Variants in GABRB3 observed in about 807,000 individuals in gnomAD.
GABRB3 encodes gamma-aminobutyric acid type A receptor subunit beta3, also known as gamma-aminobutyric acid receptor subunit beta-3.
A neutral mutation model predicts 52.1 loss-of-function variants in GABRB3; 14 were observed. The ratio of observed to expected loss-of-function variants is 0.27; its 90% confidence interval spans 0.18 to 0.42. The LOEUF is 0.42. GABRB3 is among the 10% of genes least tolerant of loss of function. The pLI is 1.00. For synonymous variants in GABRB3, 260 were observed against 232.3 expected (o/e 1.12, Z -1.08); for missense variants, 307 against 609.1 (o/e 0.50, Z 5.22).
intron 3 of GABRB3, among the ~76,000 whole-genome samples, chr15:26,637,665 C>A (rs891734924): frequency 1.3e-5 from 2 of 152,204 alleles, no homozygotes; most frequent in Non-Finnish European, 2.9e-5. Context: ...GTGAAAATTT[C>A]TCTGCAGCTT....
intron 3 of GABRB3, among the ~76,000 whole-genome samples, chr15:26,734,502 G>T (rs1890016095): frequency 6.6e-6 from 1 of 152,110 alleles, no homozygotes; most frequent in Admixed American, 6.6e-5. Flanking sequence ...CTATCTGGCT[G>T]GGTGAGGTGG....
chr15:26,712,935 G>C (rs1202831831), intron 3 of GABRB3, among the ~76,000 whole-genome samples: 3 of 152,250 alleles, frequency 2.0e-5, no homozygotes, highest in African/African-American at 7.2e-5. Flanking sequence ...CTGGGCTGCA[G>C]GCTTCGGAAA....
intron 4 of GABRB3, among the ~76,000 whole-genome samples, chr15:26,593,514 T>C (rs3909668): frequency 0.027 from 4,168 of 152,262 alleles, 205 homozygotes; most frequent in African/African-American, 0.094. Context: ...ACTGTCTCTA[T>C]GAATTGACCT....
chr15:26,694,416 A>G (rs1888674446), intron 3 of GABRB3, among the ~76,000 whole-genome samples: 1 of 152,200 alleles, frequency 6.6e-6, no homozygotes, highest in Admixed American at 6.5e-5. Flanking sequence ...AATAACAAGG[A>G]ATCACCACTG....
At chr15:26,576,437 A>T (rs913271287) in intron 6 of GABRB3, among the ~76,000 whole-genome samples, 2 of 152,206 alleles carry the variant, frequency 1.3e-5, no homozygotes, top group Non-Finnish European at 2.9e-5. Context: ...TAAGAATTAC[A>T]TATCAAAACA....
chr15:26,766,072 C>CAT (rs1158936467), intron 3 of GABRB3, among the ~76,000 whole-genome samples: 1 of 152,192 alleles, frequency 6.6e-6, no homozygotes, highest in Non-Finnish European at 1.5e-5. Flanking sequence ...TCAAATGTGA[C>CAT]ATAATACCTG....
At chr15:26,558,799 T>C (rs1227274474) in intron 8 of GABRB3, among the ~76,000 whole-genome samples, 1 of 149,598 alleles carries the variant, frequency 6.7e-6, no homozygotes, top group East Asian at 2.0e-4. Flanking sequence ...GATCACGCCA[T>C]CACACTCCAG....
chr15:26,714,094 A>G (rs1889391584), intron 3 of GABRB3, among the ~76,000 whole-genome samples: 1 of 152,234 alleles, frequency 6.6e-6, no homozygotes, highest in African/African-American at 2.4e-5. Flanking sequence ...AACACACAGA[A>G]AACAGCCGAG....
intron 3 of GABRB3, 102 bp downstream of exon 3, chr15:26,772,300 C>T (rs916172825): frequency 1.9e-6 from 2 of 1,043,432 alleles, no homozygotes; most frequent in East Asian, 2.9e-5. Flanking sequence ...CGGGGAAACT[C>T]GGCCCCGGCC....
intron 3 of GABRB3, among the ~76,000 whole-genome samples, chr15:26,701,080 G>A (rs945427067): frequency 5.3e-5 from 8 of 151,946 alleles, no homozygotes; most frequent in African/African-American, 1.9e-4. Context: ...AAAAAACTCT[G>A]CAAACGAGGA....
chr15:26,559,187 C>T (rs1889884654), intron 8 of GABRB3, among the ~76,000 whole-genome samples: 1 of 152,204 alleles, frequency 6.6e-6, no homozygotes. Flanking sequence ...TTGTTGAGCA[C>T]CATCCCTTTG....
At chr15:26,567,761 C>T (rs371950187) in intron 6 of GABRB3, 28 bp from the exon 7 acceptor site, 340 of 1,611,034 alleles carry the variant, frequency 2.1e-4, no homozygotes, top group Non-Finnish European at 2.8e-4. Context: ...GGATATTACA[C>T]TGGAGAAACA....
At chr15:26,754,025 C>T (rs1890589314) in intron 3 of GABRB3, among the ~76,000 whole-genome samples, 1 of 152,058 alleles carries the variant, frequency 6.6e-6, no homozygotes, top group Admixed American at 6.5e-5. Flanking sequence ...TCATCAGAGA[C>T]CATTTTCTCC....
chr15:26,600,822 A>T (rs2140499909), intron 4 of GABRB3, among the ~76,000 whole-genome samples: 1 of 152,366 alleles, frequency 6.6e-6, no homozygotes, highest in African/African-American at 2.4e-5. Context: ...AACAGTATCA[A>T]ATTCAGAATA....
chr15:26,710,800 A>G (rs1489683067), intron 3 of GABRB3, among the ~76,000 whole-genome samples: 1 of 152,038 alleles, frequency 6.6e-6, no homozygotes, highest in Non-Finnish European at 1.5e-5. Flanking sequence ...TTGAGCTATA[A>G]ACGTTTTTTC....
At chr15:26,568,012 T>A (rs544854217) in intron 6 of GABRB3, among the ~76,000 whole-genome samples, 6 of 152,244 alleles carry the variant, frequency 3.9e-5, no homozygotes, top group Non-Finnish European at 5.9e-5. Flanking sequence ...TAGCTTAGAA[T>A]CCAGAATAAT....
intron 3 of GABRB3, among the ~76,000 whole-genome samples, chr15:26,734,099 G>T (rs185340792): frequency 7.5e-6 from 1 of 132,722 alleles, no homozygotes; most frequent in Non-Finnish European, 1.5e-5. Flanking sequence ...GCATGATCTC[G>T]CCTCAACACA....
At chr15:26,675,855 C>T (rs1011989658) in intron 3 of GABRB3, among the ~76,000 whole-genome samples, 8 of 151,990 alleles carry the variant, frequency 5.3e-5, no homozygotes, top group Admixed American at 4.6e-4. Context: ...GAACAGATAC[C>T]GAAGACAGTC....
chr15:26,674,979 T>C (rs1478890008), intron 3 of GABRB3, among the ~76,000 whole-genome samples: 1 of 152,164 alleles, frequency 6.6e-6, no homozygotes, highest in Non-Finnish European at 1.5e-5. Flanking sequence ...GTTAACCTTA[T>C]ATAATCCAAG....
Sources: gnomAD v4.1 joint callset for allele counts (sites outside exome capture counted in the v4.1 genomes callset) on GRCh38, gnomAD v4.1.1 for gene constraint, MANE v1.5 for transcripts, NCBI Gene and HGNC (gene_info 2026-07-23, HGNC 2026-07-21) for gene names.